The following UST variants were observed in gnomAD, a reference collection of about 807,000 sequenced individuals.
UST encodes the protein chondroitin sulfate 2-O-sulfotransferase.
A neutral mutation model predicts 45.6 loss-of-function variants in UST; 21 were observed. The observed-to-expected ratio is 0.46, with a 90% CI of 0.33 to 0.66. The LOEUF is 0.66. Ranked by LOEUF, UST falls within the 30% of genes least tolerant of loss-of-function variation. UST has a pLI of 0.02. For synonymous variants in UST, 215 were observed against 200.6 expected, an observed-to-expected ratio of 1.07 and a Z score of -0.61; for missense variants, 463 against 512.4, an observed-to-expected ratio of 0.90 and a Z score of 0.93.
At chr6:148,806,798 G>C (rs559448748) in intron 1 of UST, among the ~76,000 whole-genome samples, 19 of 152,200 alleles carry the variant, frequency 1.2e-4, no homozygotes, top group African/African-American at 2.7e-4. Flanking sequence ...ATCACATGGC[G>C]AGGATGCAAG....
At chr6:149,008,946 A>G (rs1206354533) in intron 5 of UST, among the ~76,000 whole-genome samples, 1 of 152,256 alleles carries the variant, frequency 6.6e-6, no homozygotes, top group African/African-American at 2.4e-5. Flanking sequence ...CTGACTCATC[A>G]TTAAATATGA....
chr6:148,813,419 T>C (rs982746866), intron 1 of UST, among the ~76,000 whole-genome samples: 1 of 151,922 alleles, frequency 6.6e-6, no homozygotes, highest in South Asian at 2.1e-4. Context: ...TCTTGCTCTG[T>C]TGCCCAGGCT....
At chr6:148,899,082 C>A (rs1354048749) in intron 2 of UST, among the ~76,000 whole-genome samples, 1 of 146,202 alleles carries the variant, frequency 6.8e-6, no homozygotes, top group Non-Finnish European at 1.5e-5. Context: ...TAGCATATAG[C>A]TACCTAATCC....
At position 148,941,391 on chromosome 6, in the gene UST, C is replaced by T; in HGVS notation, c.404C>T (p.Thr135Ile). 1.9e-6 allele frequency: 3 copies of T among 1,607,186 alleles called. No homozygotes were observed. Among genetic ancestry groups the T allele is most frequent in the Non-Finnish European group, 2.5e-6 (3 of 1,178,464 alleles). The change falls in exon 3 of 8, where the codon ACA becomes ATA. Residue 135 changes from threonine to isoleucine, a missense_variant. By Grantham distance (89) the Thr-to-Ile change is moderately conservative. This residue lies in a region of UST where 287 missense variants were observed against 374.2 expected (regional missense o/e 0.77). Transcript: ENST00000367463. ...LSEKHGFNLV[T>I]SDIHNKTRLT... ...GAGAAGCACGGATTTAATTTGGTCA[C>T]ATCAGACATTCACAACAAAACCAGG...
At chr6:148,924,259 T>C (rs893924811) in intron 2 of UST, among the ~76,000 whole-genome samples, 1 of 152,214 alleles carries the variant, frequency 6.6e-6, no homozygotes, top group Non-Finnish European at 1.5e-5. Context: ...TGATTCTTGC[T>C]CTAGGCCCTT....
intron 1 of UST, among the ~76,000 whole-genome samples, chr6:148,786,730 T>G (rs948509785): frequency 6.6e-6 from 1 of 152,236 alleles, no homozygotes; most frequent in African/African-American, 2.4e-5. Flanking sequence ...ATAGAACTAC[T>G]TATACTCCTT....
chr6:148,815,704 G>A (rs1402254081), intron 1 of UST, among the ~76,000 whole-genome samples: 2 of 152,206 alleles, frequency 1.3e-5, no homozygotes, highest in East Asian at 3.8e-4. Flanking sequence ...AGAACAAATA[G>A]TGGTCTTGGT....
At chr6:149,024,467 G>A (rs1056820142) in intron 7 of UST, among the ~76,000 whole-genome samples, 1 of 152,056 alleles carries the variant, frequency 6.6e-6, no homozygotes, top group African/African-American at 2.4e-5. Flanking sequence ...ATGTTTCTAT[G>A]GTAACATTGA....
At chr6:148,935,155 G>C (rs1779995302) in intron 2 of UST, among the ~76,000 whole-genome samples, 1 of 152,196 alleles carries the variant, frequency 6.6e-6, no homozygotes, top group Non-Finnish European at 1.5e-5. Flanking sequence ...AAAGATTTCT[G>C]TTTATCTGGC....
intron 1 of UST, among the ~76,000 whole-genome samples, chr6:148,830,205 G>A (rs1378519499): frequency 6.6e-6 from 1 of 152,172 alleles, no homozygotes; most frequent in East Asian, 1.9e-4. Context: ...TGTAGAATTT[G>A]CTGGAAACTG....
chr6:148,756,631 G>A (rs1776104976), intron 1 of UST, among the ~76,000 whole-genome samples: 2 of 152,114 alleles, frequency 1.3e-5, no homozygotes, highest in Admixed American at 6.5e-5. Context: ...ATTCCAATTA[G>A]GATCTCTAAA....
At chr6:148,876,382 T>C (rs1273640010) in intron 1 of UST, among the ~76,000 whole-genome samples, 3 of 152,164 alleles carry the variant, frequency 2.0e-5, no homozygotes, top group African/African-American at 7.2e-5. Flanking sequence ...ATCCAAACTA[T>C]ATCAATATAT....
At chr6:148,939,757 A>G (rs947147300) in intron 2 of UST, among the ~76,000 whole-genome samples, 1 of 152,242 alleles carries the variant, frequency 6.6e-6, no homozygotes, top group African/African-American at 2.4e-5. Context: ...ATAAAGCTAT[A>G]AAACTCTCAG....
chr6:148,818,659 C>G (rs1275663705), intron 1 of UST, among the ~76,000 whole-genome samples: 1 of 152,102 alleles, frequency 6.6e-6, no homozygotes. Context: ...TAGCCAAGTT[C>G]AAAGAGTCTT....
chr6:148,760,980 A>G (rs1776206766), intron 1 of UST, among the ~76,000 whole-genome samples: 1 of 152,194 alleles, frequency 6.6e-6, no homozygotes, highest in African/African-American at 2.4e-5. Context: ...ACAGAACTGA[A>G]CAGTTTTCCA....
intron 1 of UST, among the ~76,000 whole-genome samples, chr6:148,837,891 C>T (rs577764845): frequency 5.5e-4 from 84 of 152,112 alleles, no homozygotes; most frequent in African/African-American, 1.8e-3. Context: ...TTTGTAGAGA[C>T]GGGGTTTCGC....
At chr6:148,979,415 C>T (rs946920650) in intron 5 of UST, among the ~76,000 whole-genome samples, 1 of 152,132 alleles carries the variant, frequency 6.6e-6, no homozygotes, top group Non-Finnish European at 1.5e-5. Flanking sequence ...TTGATTTGCC[C>T]CAAGCCTAGG....
At chr6:149,000,879 G>A (rs892693611) in intron 5 of UST, among the ~76,000 whole-genome samples, 4 of 152,040 alleles carry the variant, frequency 2.6e-5, no homozygotes, top group Admixed American at 6.6e-5. Context: ...TTAGAAAATA[G>A]TCAAGAGGAA....
intron 5 of UST, among the ~76,000 whole-genome samples, chr6:148,995,822 C>T (rs1390905980): frequency 1.3e-5 from 2 of 152,226 alleles, no homozygotes; most frequent in African/African-American, 4.8e-5. Flanking sequence ...AGCATCTGCC[C>T]CCTGGAGACA....
Sources: allele counts gnomAD v4.1 joint callset (sites outside exome capture counted in the v4.1 genomes callset), GRCh38; gene constraint gnomAD v4.1.1; regional missense constraint gnomAD v4.1.1; transcripts MANE v1.5; gene names NCBI Gene and HGNC (gene_info 2026-07-23, HGNC 2026-07-21).